Variants in ABTB3 observed in about 807,000 individuals in gnomAD.
ABTB3 encodes the protein ankyrin repeat and BTB domain containing 3, also known as ankyrin repeat- and BTB/POZ domain-containing protein 3.
At chr12:107,319,518 G>A in the ABTB3 span, 1 of 1,569,212 alleles carries the variant, frequency 6.4e-7, no homozygotes. Context: ...AACATGAGCA[G>A]CGCCGGCGGC....
At chr12:107,328,871 C>T in the ABTB3 span, among the ~76,000 whole-genome samples, 2 of 152,150 alleles carry the variant, frequency 1.3e-5, no homozygotes, top group Non-Finnish European at 2.9e-5. Flanking sequence ...GAGGGCGGGG[C>T]TTGCCTTGGT....
chr12:107,488,836 A>G, the ABTB3 span, among the ~76,000 whole-genome samples: 1 of 152,134 alleles, frequency 6.6e-6, no homozygotes, highest in South Asian at 2.1e-4. Flanking sequence ...AAGCTCAAAA[A>G]GACCGTTGGA....
chr12:107,610,911 T>C, the ABTB3 span, among the ~76,000 whole-genome samples: 1 of 152,112 alleles, frequency 6.6e-6, no homozygotes, highest in Non-Finnish European at 1.5e-5. Flanking sequence ...TGGTGAACCG[T>C]CATGGACAGA....
the ABTB3 span, among the ~76,000 whole-genome samples, chr12:107,626,507 G>A: frequency 2.6e-5 from 4 of 151,740 alleles, no homozygotes; most frequent in Admixed American, 6.6e-5. Context: ...CAGTATGCCC[G>A]GCTAATTTTT....
the ABTB3 span, chr12:107,580,817 T>C: frequency 2.6e-6 from 4 of 1,524,598 alleles, no homozygotes; most frequent in Non-Finnish European, 3.5e-6. Context: ...AAGTGACTCA[T>C]CCTTATGTTC....
chr12:107,420,727 C>G, the ABTB3 span, among the ~76,000 whole-genome samples: 1 of 152,158 alleles, frequency 6.6e-6, no homozygotes, highest in East Asian at 1.9e-4. Context: ...GAATCACAAG[C>G]TCATCACTGC....
the ABTB3 span, among the ~76,000 whole-genome samples, chr12:107,513,911 G>T: frequency 6.6e-6 from 1 of 152,220 alleles, no homozygotes; most frequent in Non-Finnish European, 1.5e-5. Context: ...CCAAATGGTT[G>T]TCTGTCTCCA....
At chr12:107,371,594 C>T in the ABTB3 span, among the ~76,000 whole-genome samples, 1 of 152,154 alleles carries the variant, frequency 6.6e-6, no homozygotes, top group Non-Finnish European at 1.5e-5. Context: ...TTAAATACTC[C>T]TGGAGTTAAG....
At chr12:107,560,390 G>A in the ABTB3 span, among the ~76,000 whole-genome samples, 1 of 152,202 alleles carries the variant, frequency 6.6e-6, no homozygotes, top group Non-Finnish European at 1.5e-5. Flanking sequence ...AGAACCCTGG[G>A]AGGGAGCCTC....
chr12:107,492,326 G>A, the ABTB3 span, among the ~76,000 whole-genome samples: 8,285 of 152,234 alleles, frequency 0.054, 321 homozygotes, highest in East Asian at 0.19. Flanking sequence ...AAAATTGGGG[G>A]TGATGCTGCT....
the ABTB3 span, among the ~76,000 whole-genome samples, chr12:107,492,276 C>A: frequency 6.6e-6 from 1 of 152,104 alleles, no homozygotes; most frequent in Non-Finnish European, 1.5e-5. Flanking sequence ...TGACTGGAAC[C>A]CCCTAATAAT....
At chr12:107,376,225 G>T in the ABTB3 span, among the ~76,000 whole-genome samples, 2 of 152,060 alleles carry the variant, frequency 1.3e-5, no homozygotes, top group Non-Finnish European at 2.9e-5. Context: ...CCTTCACAGG[G>T]TATGTATTAC....
At chr12:107,462,742 G>T in the ABTB3 span, among the ~76,000 whole-genome samples, 2 of 151,706 alleles carry the variant, frequency 1.3e-5, no homozygotes, top group Non-Finnish European at 2.9e-5. Context: ...TGATGATGGT[G>T]GTGATAGTAA....
the ABTB3 span, among the ~76,000 whole-genome samples, chr12:107,393,186 T>A: frequency 6.6e-6 from 1 of 152,220 alleles, no homozygotes; most frequent in Non-Finnish European, 1.5e-5. Context: ...AACTCTGCTC[T>A]GCAAACTGCA....
chr12:107,505,952 G>T, the ABTB3 span, among the ~76,000 whole-genome samples: 1 of 152,274 alleles, frequency 6.6e-6, no homozygotes, highest in African/African-American at 2.4e-5. Flanking sequence ...CATTTAGGTT[G>T]ATTCCATGTC....
At chr12:107,503,756 CAAAAA>C in the ABTB3 span, among the ~76,000 whole-genome samples, 2 of 70,768 alleles carry the variant, frequency 2.8e-5, no homozygotes, top group African/African-American at 6.9e-5. Flanking sequence ...GACCCTATCT[CAAAAA>C]AAAAAAAAAA....
the ABTB3 span, among the ~76,000 whole-genome samples, chr12:107,478,800 G>T: frequency 3.3e-5 from 5 of 152,014 alleles, no homozygotes; most frequent in South Asian, 1.0e-3. Flanking sequence ...TTGCTTCCTT[G>T]CCCTGAATGA....
At chr12:107,328,422 A>G in the ABTB3 span, among the ~76,000 whole-genome samples, 1 of 152,238 alleles carries the variant, frequency 6.6e-6, no homozygotes, top group African/African-American at 2.4e-5. Context: ...GTATCATTCT[A>G]TACTGAAAGT....
At chr12:107,498,014 G>A in the ABTB3 span, among the ~76,000 whole-genome samples, 1 of 152,202 alleles carries the variant, frequency 6.6e-6, no homozygotes, top group Non-Finnish European at 1.5e-5. Flanking sequence ...AAACAGAAAT[G>A]GAAGGTGGTG....
Sources: allele counts gnomAD v4.1 joint callset (sites outside exome capture counted in the v4.1 genomes callset), GRCh38; gene constraint gnomAD v4.1.1; transcripts MANE v1.5; gene names NCBI Gene and HGNC (gene_info 2026-07-23, HGNC 2026-07-21).